The following ITGA2 variants were observed in gnomAD, a reference collection of about 807,000 sequenced individuals.
The protein encoded by ITGA2 is integrin subunit alpha 2, also known as integrin alpha-2.
In ITGA2, 101 loss-of-function variants were observed where a neutral mutation model predicts 146.3. The observed-to-expected ratio is 0.69, with a 90% CI of 0.59 to 0.81. ITGA2 has a LOEUF of 0.81. ITGA2 is among the 40% of genes least tolerant of loss of function. The pLI is 0.00. For missense variants in ITGA2, 1,281 were observed against 1,402.7 expected (o/e 0.91, Z 1.39); for synonymous variants, 477 against 487.1 (o/e 0.98, Z 0.27).
intron 1 of ITGA2, among the ~76,000 whole-genome samples, chr5:52,990,969 A>C (rs149635419): frequency 1.3e-5 from 2 of 152,266 alleles, no homozygotes; most frequent in East Asian, 3.9e-4. Flanking sequence ...CCAGTATTAA[A>C]ATAAGCTGTG....
At chr5:53,048,916 C>A in intron 6 of ITGA2, 146 bp downstream of exon 6, 1 of 886,798 alleles carries the variant, frequency 1.1e-6, no homozygotes, top group Non-Finnish European at 1.7e-6. Flanking sequence ...GAAACTTTTA[C>A]TACATTGGGT....
chr5:53,015,670 C>A (rs1293410890), intron 1 of ITGA2, among the ~76,000 whole-genome samples: 2 of 152,124 alleles, frequency 1.3e-5, no homozygotes, highest in Admixed American at 1.3e-4. Context: ...AATGATCTGT[C>A]TAATACTGTC....
chr5:53,090,472 C>T (rs1740356790), intron 29 of ITGA2, 47 bp from the exon 30 acceptor site: 1 of 1,567,512 alleles, frequency 6.4e-7, no homozygotes, highest in Non-Finnish European at 8.8e-7. Flanking sequence ...AGGCACCTTA[C>T]AAAATAAGCC....
At chr5:53,076,482 T>C (rs934615719) in intron 23 of ITGA2, among the ~76,000 whole-genome samples, 24 of 151,988 alleles carry the variant, frequency 1.6e-4, no homozygotes, top group African/African-American at 5.3e-4. Context: ...GTCCAAATAA[T>C]ACATCTCTGA....
At chr5:53,024,241 C>T (rs984147272) in intron 1 of ITGA2, among the ~76,000 whole-genome samples, 1 of 152,048 alleles carries the variant, frequency 6.6e-6, no homozygotes, top group African/African-American at 2.4e-5. Context: ...ATGATTCTGA[C>T]ATAGGCAGAC....
chr5:52,989,588 G>C, intron 1 of ITGA2, 56 bp downstream of exon 1: 1 of 1,589,988 alleles, frequency 6.3e-7, no homozygotes, highest in Non-Finnish European at 8.6e-7. Flanking sequence ...CGGCTTCCTG[G>C]GGCTCGCTGG....
At chr5:53,076,938 C>T (rs1745688200) in intron 23 of ITGA2, among the ~76,000 whole-genome samples, 1 of 152,034 alleles carries the variant, frequency 6.6e-6, no homozygotes, top group Non-Finnish European at 1.5e-5. Context: ...CATCCCTCCC[C>T]ACCTTCCCTA....
intron 24 of ITGA2, among the ~76,000 whole-genome samples, chr5:53,079,443 T>C (rs1745811441): frequency 6.6e-6 from 1 of 152,122 alleles, no homozygotes; most frequent in South Asian, 2.1e-4. Context: ...TATTTACTAT[T>C]AGTAAGCGAT....
chr5:52,995,673 GTA>G (rs1741206553), intron 1 of ITGA2, among the ~76,000 whole-genome samples: 1 of 152,210 alleles, frequency 6.6e-6, no homozygotes. Flanking sequence ...ACACCTGGAT[GTA>G]TATGTCTAAT....
chr5:53,040,972 A>G (rs1228154493), intron 2 of ITGA2, among the ~76,000 whole-genome samples: 1 of 152,136 alleles, frequency 6.6e-6, no homozygotes, highest in Non-Finnish European at 1.5e-5. Flanking sequence ...TACTAGATTT[A>G]GAAGACAGCA....
In ITGA2 at chr5:53,029,750, C is replaced by T. The variant is rs1320786601; in HGVS notation, c.185+2882C>T. The stretch of plus-strand genomic sequence containing the variant: ...TGTTGACTGCTGCATTCTCCACACC[C>T]AGAGTGATATCTGGCACTGAGTAAA... On this transcript the variant is annotated intron_variant, in intron 2 of 29. Coordinates refer to ENST00000296585, the MANE Select transcript of ITGA2 (RefSeq NM_002203.4). Among the ~76,000 whole-genome samples the T allele has an allele frequency of 2.6e-5, 4 of 152,204 alleles. No homozygotes were observed. The East Asian group carries it at 7.7e-4, about 29-fold the overall frequency.
At chr5:53,034,597 A>G (rs979420546) in intron 2 of ITGA2, among the ~76,000 whole-genome samples, 1 of 152,176 alleles carries the variant, frequency 6.6e-6, no homozygotes, top group African/African-American at 2.4e-5. Context: ...TTAATGATCT[A>G]TAAAAATCCT....
chr5:53,092,085 C>T lies in ITGA2; in HGVS notation c.*1486C>T, dbSNP rs1740452551. 1 of 152,226 alleles carries T rather than the reference C, an allele frequency of 6.6e-6. No homozygotes were observed. The highest frequency in any genetic ancestry group is 2.4e-5 in the African/African-American group (1 of 41,448). 9.4% of individuals were successfully genotyped at this position (152,226 alleles called of 1,614,324 possible). The stretch of plus-strand genomic sequence containing the variant: ...CAGTCACTAGGATGCAGATGGACCA[C>T]ACTTTGAGAAACACCACCCATTTCT... On this transcript the variant is annotated 3_prime_UTR_variant, in exon 30 of 30. Coordinates refer to ENST00000296585, the MANE Select transcript of ITGA2 (RefSeq NM_002203.4).
intron 1 of ITGA2, among the ~76,000 whole-genome samples, chr5:53,013,176 G>A (rs1397713730): frequency 3.3e-5 from 5 of 151,994 alleles, no homozygotes; most frequent in Admixed American, 3.3e-4. Context: ...CCTTGCCAGA[G>A]CCAATGTTCG....
intron 26 of ITGA2, among the ~76,000 whole-genome samples, chr5:53,082,911 A>G (rs555204068): frequency 6.6e-6 from 1 of 152,172 alleles, no homozygotes; most frequent in South Asian, 2.1e-4. Context: ...GGGAGTCTAT[A>G]ATTAGGTTTA....
chr5:53,066,118 G>A (rs1745139427), intron 15 of ITGA2, 141 bp downstream of exon 15: 1 of 836,788 alleles, frequency 1.2e-6, no homozygotes. Flanking sequence ...TTTGCACAAA[G>A]GAATAAATGT....
At chr5:53,004,251 A>G (rs1308181089) in intron 1 of ITGA2, among the ~76,000 whole-genome samples, 1 of 152,220 alleles carries the variant, frequency 6.6e-6, no homozygotes, top group Non-Finnish European at 1.5e-5. Flanking sequence ...TCATGGCAAC[A>G]TAAAAGAGAA....
chr5:53,090,773 G>T lies in ITGA2; in HGVS notation c.*174G>T. 1.7e-6 allele frequency: 1 copy of T among 577,596 alleles called. No homozygotes were observed. Among genetic ancestry groups the T allele is most frequent in the South Asian group, 2.0e-5 (1 of 48,966 alleles). 35.8% of individuals were successfully genotyped at this position (577,596 alleles called of 1,614,324 possible). A position where few individuals can be genotyped will look rare whatever the true frequency, so the allele number is the denominator to read the frequency against. ...TTGGAATGAAGAAATTGTGGGGGGT[G>T]GGGGAGGTGCGGGGGGCAGGTAGGG... On this transcript the variant is annotated 3_prime_UTR_variant, in exon 30 of 30. Coordinates refer to ENST00000296585, the MANE Select transcript of ITGA2 (RefSeq NM_002203.4).
intron 1 of ITGA2, among the ~76,000 whole-genome samples, chr5:52,989,908 A>G (rs967998629): frequency 1.3e-5 from 2 of 152,064 alleles, no homozygotes; most frequent in East Asian, 3.9e-4. Context: ...CGAGTCCTGC[A>G]GCCCAACTTC....
Sources: gnomAD v4.1 joint callset for allele counts (sites outside exome capture counted in the v4.1 genomes callset) on GRCh38, gnomAD v4.1.1 for gene constraint, MANE v1.5 for transcripts, NCBI Gene and HGNC (gene_info 2026-07-23, HGNC 2026-07-21) for gene names.